CSMD1: variants seen among roughly 807,000 people sequenced by gnomAD.
CSMD1 encodes CUB and sushi domain-containing protein 1.
Under a neutral mutation model 417.5 loss-of-function variants are expected in CSMD1, and 213 were observed. The observed-to-expected ratio is 0.51, with a 90% CI of 0.46 to 0.57. The LOEUF is 0.57. CSMD1 is among the 20% of genes least tolerant of loss of function. The pLI is 0.00. For missense variants in CSMD1, 6,923 were observed against 4,529.7 expected (o/e 1.53, Z -15.17); for synonymous variants, 2,862 against 1,736.8 (o/e 1.65, Z -16.11).
chr8:4,163,835 T>C (rs980323326), intron 3 of CSMD1, among the ~76,000 whole-genome samples: 3 of 152,186 alleles, frequency 2.0e-5, no homozygotes, highest in Non-Finnish European at 4.4e-5. Flanking sequence ...CCTTCATCAT[T>C]AATTCAAAAA....
intron 5 of CSMD1, among the ~76,000 whole-genome samples, chr8:3,828,464 G>C (rs1004772051): frequency 6.6e-6 from 1 of 152,158 alleles, no homozygotes; most frequent in Admixed American, 6.5e-5. Flanking sequence ...AAAAACCCAT[G>C]TGAATACAGA....
intron 13 of CSMD1, among the ~76,000 whole-genome samples, chr8:3,408,481 T>G (rs1347725615): frequency 6.6e-6 from 1 of 151,138 alleles, no homozygotes. Context: ...AAAATGATCC[T>G]TTCCAGTTGA....
intron 3 of CSMD1, among the ~76,000 whole-genome samples, chr8:4,041,180 C>G (rs931297225): frequency 1.6e-4 from 25 of 151,854 alleles, no homozygotes; most frequent in African/African-American, 6.0e-4. Flanking sequence ...CCACGCCCGG[C>G]TAATTTTTTT....
rs572447974 is a variant in CSMD1, at chr8:4,446,777, G to C, written c.303-26712C>G. Among the ~76,000 whole-genome samples, 579 of 139,002 alleles carry C rather than the reference G, an allele frequency of 4.2e-3. 6 individuals are homozygous for C. Among genetic ancestry groups the C allele is most frequent in the South Asian group, 0.031 (141 of 4,610 alleles). 91.2% of individuals were successfully genotyped at this position (139,002 alleles called of 152,430 possible). On this transcript the variant is annotated intron_variant, in intron 2 of 69. Transcript: ENST00000635120. ...TGTCTGTGTGTGTGTGTGTGTGTGT[G>C]TGTGTGTGTGTGTGTGTGTATTTTT...
At chr8:3,717,982 C>G (rs1046963506) in intron 6 of CSMD1, among the ~76,000 whole-genome samples, 8 of 152,164 alleles carry the variant, frequency 5.3e-5, no homozygotes, top group African/African-American at 1.9e-4. Context: ...GACCAGTTTA[C>G]TTCACCTGAT....
chr8:4,359,383 T>G (rs928269724), intron 3 of CSMD1, among the ~76,000 whole-genome samples: 15 of 152,246 alleles, frequency 9.9e-5, no homozygotes, highest in African/African-American at 3.6e-4. Context: ...CAATAGGGTT[T>G]AAACTCACAA....
intron 26 of CSMD1, among the ~76,000 whole-genome samples, chr8:3,234,148 G>A (rs534462334): frequency 8.5e-5 from 13 of 152,294 alleles, no homozygotes; most frequent in Admixed American, 5.2e-4. Context: ...ACATCACAGA[G>A]GATCAGCAGA....
At chr8:4,756,117 G>A (rs1279672066) in intron 1 of CSMD1, among the ~76,000 whole-genome samples, 2 of 152,132 alleles carry the variant, frequency 1.3e-5, no homozygotes, top group African/African-American at 4.8e-5. Context: ...TTTCACAGGA[G>A]TATATAGTAA....
Position 4,367,998 on chromosome 8 carries a change from G to C in CSMD1, c.415+51955C>G, listed in dbSNP as rs529652563. Reference sequence around the variant, plus strand: ...GGTATAGAGTTACATTGTCAGTGAAGTGAGACACCTTTTCTTGGCTGATTG... The same window carrying C: ...GGTATAGAGTTACATTGTCAGTGAACTGAGACACCTTTTCTTGGCTGATTG... On this transcript the variant is annotated intron_variant, in intron 3 of 69. Coordinates refer to ENST00000635120, the MANE Select transcript of CSMD1 (RefSeq NM_033225.6). Among the ~76,000 whole-genome samples the C allele has an allele frequency of 3.3e-5, 5 of 152,074 alleles. No individual in the cohort carries two copies. The East Asian group carries it at 7.7e-4, about 24-fold the overall frequency.
chr8:4,856,773 T>C lies in CSMD1; in HGVS notation c.85+137559A>G, dbSNP rs780795029. On this transcript the variant is annotated intron_variant, in intron 1 of 69. Coordinates refer to ENST00000635120, the MANE Select transcript of CSMD1 (RefSeq NM_033225.6). The stretch of plus-strand genomic sequence containing the variant: ...GCACCAAGATTCATAAAGCAAGTCC[T>C]GAGTGACCTACAAAGAGACTTAGAC... 9.5e-3 allele frequency among the ~76,000 whole-genome samples: 1,419 copies of C among 150,108 alleles called. 9 individuals carry two copies. The highest frequency in any genetic ancestry group is 0.016 in the Non-Finnish European group (1,081 of 67,414).
At chr8:4,127,867 G>C (rs1212854820) in intron 3 of CSMD1, among the ~76,000 whole-genome samples, 2 of 152,232 alleles carry the variant, frequency 1.3e-5, no homozygotes, top group African/African-American at 2.4e-5. Flanking sequence ...AAGAAACCCA[G>C]ACACTGCCAG....
chr8:4,750,357 G>T (rs1316457042), intron 1 of CSMD1, among the ~76,000 whole-genome samples: 3 of 152,142 alleles, frequency 2.0e-5, no homozygotes, highest in Non-Finnish European at 2.9e-5. Context: ...AGAAAATTGA[G>T]TTGCTTTTTT....
chr8:4,749,444 G>C lies in CSMD1; in HGVS notation c.86-111886C>G, dbSNP rs188146589. Among the ~76,000 whole-genome samples, 405 of 152,290 alleles carry C rather than the reference G, an allele frequency of 2.7e-3. 2 individuals are homozygous for C. Among genetic ancestry groups the C allele is most frequent in the African/African-American group, 9.3e-3 (387 of 41,556 alleles). ...TTAGAGGTATTGCCGTTTGGCCATG[G>C]AAATAAGGTTAAGACCCTTCTTGAG... On this transcript the variant is annotated intron_variant, in intron 1 of 69. Transcript: ENST00000635120.
intron 1 of CSMD1, among the ~76,000 whole-genome samples, chr8:4,985,803 A>G (rs1295544973): frequency 1.3e-5 from 2 of 151,884 alleles, no homozygotes; most frequent in East Asian, 1.9e-4. Context: ...AGCTGAAACC[A>G]TAAGACAAAA....
chr8:4,019,302 G>A (rs762643683), intron 4 of CSMD1, among the ~76,000 whole-genome samples: 117 of 152,270 alleles, frequency 7.7e-4, no homozygotes, highest in Non-Finnish European at 1.3e-3. Flanking sequence ...CTTATCACAG[G>A]CTTGGAATGT....
At chr8:4,669,125 A>G (rs1273424830) in intron 1 of CSMD1, among the ~76,000 whole-genome samples, 3 of 152,172 alleles carry the variant, frequency 2.0e-5, no homozygotes, top group Non-Finnish European at 4.4e-5. Context: ...TGCATTTGGC[A>G]TGTGTTTTCT....
intron 33 of CSMD1, among the ~76,000 whole-genome samples, chr8:3,195,507 A>T (rs1796655697): frequency 6.6e-6 from 1 of 152,218 alleles, no homozygotes; most frequent in Non-Finnish European, 1.5e-5. Flanking sequence ...ACTAAGAAAC[A>T]GTTTGTGTGA....
intron 50 of CSMD1, among the ~76,000 whole-genome samples, chr8:3,051,998 C>G (rs540266729): frequency 6.6e-6 from 1 of 152,142 alleles, no homozygotes; most frequent in Non-Finnish European, 1.5e-5. Context: ...TACTGAGCAT[C>G]GATGTGTTAT....
At chr8:4,449,430 A>C (rs148603751) in intron 2 of CSMD1, among the ~76,000 whole-genome samples, 1 of 152,224 alleles carries the variant, frequency 6.6e-6, no homozygotes, top group Non-Finnish European at 1.5e-5. Context: ...GTAGAAGTTC[A>C]TATTTTTCCC....
Sources: allele counts gnomAD v4.1 joint callset (sites outside exome capture counted in the v4.1 genomes callset), GRCh38; gene constraint gnomAD v4.1.1; transcripts MANE v1.5; gene names NCBI Gene and HGNC (gene_info 2026-07-23, HGNC 2026-07-21).